PTPRD: variants seen among roughly 807,000 people sequenced by gnomAD.
PTPRD encodes receptor-type tyrosine-protein phosphatase delta.
Under a neutral mutation model 214.5 loss-of-function variants are expected in PTPRD, and 34 were observed. The observed-to-expected ratio is 0.16, with a 90% CI of 0.12 to 0.21. The LOEUF (loss-of-function observed/expected upper bound fraction) is 0.21. PTPRD is among the 10% of genes least tolerant of loss of function. The pLI is 1.00. For synonymous variants in PTPRD, 1,128 were observed against 845.7 expected (o/e 1.33, Z -5.79); for missense variants, 2,545 against 2,398.7 (o/e 1.06, Z -1.27).
intron 7 of PTPRD, among the ~76,000 whole-genome samples, chr9:9,633,991 CAT>C (rs1194838364): frequency 2.0e-5 from 3 of 152,078 alleles, no homozygotes; most frequent in African/African-American, 7.2e-5. Context: ...GGGAGAAAAA[CAT>C]GTTATCTGAA....
chr9:9,305,048 G>C (rs1439547472), intron 9 of PTPRD, among the ~76,000 whole-genome samples: 1 of 150,060 alleles, frequency 6.7e-6, no homozygotes, highest in African/African-American at 2.5e-5. Flanking sequence ...CCACCTGTTA[G>C]AGTCCCTAGT....
chr9:10,107,894 C>G (rs949003954), intron 3 of PTPRD, among the ~76,000 whole-genome samples: 2 of 152,112 alleles, frequency 1.3e-5, no homozygotes, highest in African/African-American at 4.8e-5. Flanking sequence ...AACATACTCA[C>G]AAACATTATA....
intron 2 of PTPRD, among the ~76,000 whole-genome samples, chr9:10,431,604 C>A (rs1446683578): frequency 6.6e-6 from 1 of 151,864 alleles, no homozygotes; most frequent in Non-Finnish European, 1.5e-5. Flanking sequence ...AAACAAACAA[C>A]CCCATCAAAA....
chr9:9,987,724 T>C (rs984667024), intron 4 of PTPRD, among the ~76,000 whole-genome samples: 2 of 152,198 alleles, frequency 1.3e-5, no homozygotes, highest in Admixed American at 6.5e-5. Flanking sequence ...AAAGATTTAA[T>C]ATGTATCTCA....
At chr9:9,589,677 C>T (rs894171123) in intron 7 of PTPRD, among the ~76,000 whole-genome samples, 1 of 151,778 alleles carries the variant, frequency 6.6e-6, no homozygotes, top group Non-Finnish European at 1.5e-5. Context: ...ATCTAAAATG[C>T]CATGGATTAT....
intron 10 of PTPRD, among the ~76,000 whole-genome samples, chr9:9,020,987 T>G (rs13287915): frequency 0.15 from 22,988 of 152,172 alleles, 2,114 homozygotes; most frequent in Middle Eastern, 0.26. Flanking sequence ...ATCCTTACGT[T>G]TGAATGTTCA....
chr9:10,384,977 C>T (rs1285977146), intron 2 of PTPRD, among the ~76,000 whole-genome samples: 1 of 151,696 alleles, frequency 6.6e-6, no homozygotes, highest in Non-Finnish European at 1.5e-5. Context: ...CTGGCTTCTC[C>T]TCTCTATGTT....
chr9:9,976,071 A>G (rs1047769130), intron 4 of PTPRD, among the ~76,000 whole-genome samples: 8 of 152,198 alleles, frequency 5.3e-5, no homozygotes, highest in African/African-American at 1.9e-4. Flanking sequence ...CAATGAAGAC[A>G]TTCCAGATGA....
intron 14 of PTPRD, among the ~76,000 whole-genome samples, chr9:8,598,233 C>A (rs945111467): frequency 6.6e-6 from 1 of 152,082 alleles, no homozygotes; most frequent in Non-Finnish European, 1.5e-5. Context: ...GGGCAGATCA[C>A]CTGAGGTCAG....
chr9:10,513,684 T>C (rs1238452731), intron 2 of PTPRD, among the ~76,000 whole-genome samples: 2 of 152,166 alleles, frequency 1.3e-5, no homozygotes, highest in Admixed American at 6.6e-5. Context: ...CACTTCCTGG[T>C]GAATACTTTG....
chr9:8,512,012 CTAAA>C (rs1281840298), intron 21 of PTPRD, among the ~76,000 whole-genome samples: 1 of 152,030 alleles, frequency 6.6e-6, no homozygotes, highest in Non-Finnish European at 1.5e-5. Context: ...GAGATTATCT[CTAAA>C]GAAAGGTTGA....
chr9:10,276,177 G>T (rs972337739), intron 3 of PTPRD, among the ~76,000 whole-genome samples: 1 of 152,148 alleles, frequency 6.6e-6, no homozygotes, highest in African/African-American at 2.4e-5. Context: ...AATAATTTTT[G>T]TAGAGGATCT....
At chr9:9,158,718 C>G (rs911923051) in intron 10 of PTPRD, among the ~76,000 whole-genome samples, 4 of 152,058 alleles carry the variant, frequency 2.6e-5, no homozygotes, top group African/African-American at 9.7e-5. Flanking sequence ...ATAAGGCCAG[C>G]ATTACCACAG....
At chr9:9,917,273 G>A (rs1602043949) in intron 5 of PTPRD, among the ~76,000 whole-genome samples, 1 of 69,756 alleles carries the variant, frequency 1.4e-5, no homozygotes, top group Non-Finnish European at 2.8e-5. Context: ...TTTCTGAGAA[G>A]ATGAAATTGA....
chr9:8,890,786 T>A (rs144090364), intron 11 of PTPRD, among the ~76,000 whole-genome samples: 1 of 152,292 alleles, frequency 6.6e-6, no homozygotes, highest in East Asian at 1.9e-4. Context: ...AAAGCATTGG[T>A]CTCTAGGAAG....
At chr9:9,566,402 TGTG>T (rs1376728845) in intron 8 of PTPRD, among the ~76,000 whole-genome samples, 1 of 151,996 alleles carries the variant, frequency 6.6e-6, no homozygotes, top group African/African-American at 2.4e-5. Context: ...GCAATGGTGT[TGTG>T]GTCAAAAATT....
At chr9:9,285,398 T>A (rs1031818506) in intron 9 of PTPRD, among the ~76,000 whole-genome samples, 1 of 151,812 alleles carries the variant, frequency 6.6e-6, no homozygotes, top group East Asian at 2.0e-4. Context: ...GACTCATCTA[T>A]TCTAAAATTT....
At chr9:9,793,913 C>G (rs1320048387) in intron 5 of PTPRD, among the ~76,000 whole-genome samples, 1 of 151,854 alleles carries the variant, frequency 6.6e-6, no homozygotes, top group East Asian at 1.9e-4. Flanking sequence ...TTATGAAATT[C>G]AACCCACTAC....
intron 3 of PTPRD, among the ~76,000 whole-genome samples, chr9:10,242,214 G>C (rs2091215781): frequency 1.3e-5 from 2 of 152,050 alleles, no homozygotes; most frequent in East Asian, 1.9e-4. Context: ...ACTGGAATAA[G>C]GGCAAGAGAC....
Sources: allele counts gnomAD v4.1 joint callset (sites outside exome capture counted in the v4.1 genomes callset), GRCh38; gene constraint gnomAD v4.1.1; transcripts MANE v1.5; gene names NCBI Gene and HGNC (gene_info 2026-07-23, HGNC 2026-07-21).